SPOCK1: variants seen among roughly 807,000 people sequenced by gnomAD.
SPOCK1 encodes the protein SPARC (osteonectin), cwcv and kazal like domains proteoglycan 1.
SPOCK1 carries 23 observed loss-of-function variants against 55.3 expected under a neutral mutation model. The observed-to-expected ratio is 0.42, with a 90% CI of 0.30 to 0.59. The LOEUF (loss-of-function observed/expected upper bound fraction) is 0.59. SPOCK1 is among the 20% of genes least tolerant of loss of function. The pLI is 0.22. For synonymous variants in SPOCK1, 226 were observed against 221.0 expected, an observed-to-expected ratio of 1.02 and a Z score of -0.20; for missense variants, 499 against 552.5, an observed-to-expected ratio of 0.90 and a Z score of 0.97.
At chr5:137,407,956 C>A (rs1752135021) in intron 2 of SPOCK1, among the ~76,000 whole-genome samples, 1 of 152,210 alleles carries the variant, frequency 6.6e-6, no homozygotes, top group East Asian at 1.9e-4. Context: ...CCCCCACCCC[C>A]ACTGCTCACT....
chr5:137,456,521 C>T (rs759214328), intron 2 of SPOCK1, among the ~76,000 whole-genome samples: 3 of 152,128 alleles, frequency 2.0e-5, no homozygotes, highest in Non-Finnish European at 2.9e-5. Context: ...TTATATCCAA[C>T]GACCCAAGGG....
chr5:137,329,293 G>A (rs1758130443), intron 2 of SPOCK1, among the ~76,000 whole-genome samples: 1 of 151,942 alleles, frequency 6.6e-6, no homozygotes, highest in South Asian at 2.1e-4. Flanking sequence ...TTACACCATC[G>A]GTTCTCCTGG....
chr5:137,224,881 AG>A (rs1390200227), intron 3 of SPOCK1, among the ~76,000 whole-genome samples: 1 of 152,126 alleles, frequency 6.6e-6, no homozygotes, highest in African/African-American at 2.4e-5. Flanking sequence ...CTTCAATCAC[AG>A]GGGGCTGGAA....
At chr5:137,397,433 G>A (rs538012598) in intron 2 of SPOCK1, among the ~76,000 whole-genome samples, 1 of 152,224 alleles carries the variant, frequency 6.6e-6, no homozygotes, top group African/African-American at 2.4e-5. Context: ...CTTCCTAACT[G>A]GATCATAAAC....
rs534144041 is a variant in SPOCK1 at position 136,976,262 on chromosome 5, G to A, written c.*2392C>T. The A allele has an allele frequency of 1.3e-5, 2 of 152,224 alleles. No individual in the cohort carries two copies. Among genetic ancestry groups the A allele is most frequent in the Non-Finnish European group, 2.9e-5 (2 of 68,010 alleles). 9.4% of individuals were successfully genotyped at this position (152,224 alleles called of 1,614,324 possible). On this transcript the variant is annotated 3_prime_UTR_variant, in exon 11 of 11. Coordinates refer to ENST00000394945, the MANE Select transcript of SPOCK1 (RefSeq NM_004598.4). ...GATTTGGGGGTTCCAATCTGAGGAG[G>A]GCTTTTTATTTAATGTTTTAATGAA...
At chr5:136,979,212 A>G (rs1315328744) in intron 10 of SPOCK1, 120 bp downstream of exon 10, 14 of 1,415,254 alleles carry the variant, frequency 9.9e-6, no homozygotes, top group Admixed American at 2.0e-5. Flanking sequence ...CTATGCCTCT[A>G]TTATAAACTT....
At chr5:136,985,357 T>A (rs1351414009) in intron 8 of SPOCK1, among the ~76,000 whole-genome samples, 155 bp from the exon 9 acceptor site, 3 of 152,168 alleles carry the variant, frequency 2.0e-5, no homozygotes, top group Non-Finnish European at 4.4e-5. Context: ...ATTCGGGCCA[T>A]TAGTGTTACT....
chr5:137,302,413 C>CA (rs11381943), intron 2 of SPOCK1, among the ~76,000 whole-genome samples: 85,898 of 136,748 alleles, frequency 0.63, 27,765 homozygotes, highest in East Asian at 0.8. Flanking sequence ...ACTAAAAATA[C>CA]AAAAAAAAAA....
chr5:137,030,649 T>G (rs903693542), intron 6 of SPOCK1, among the ~76,000 whole-genome samples: 1 of 152,180 alleles, frequency 6.6e-6, no homozygotes. Flanking sequence ...CATGGGAGTA[T>G]GAGTTGGTAG....
At chr5:137,320,192 T>C (rs552608848) in intron 2 of SPOCK1, among the ~76,000 whole-genome samples, 62 of 152,288 alleles carry the variant, frequency 4.1e-4, no homozygotes, top group African/African-American at 7.7e-4. Flanking sequence ...ATTGAAGAAA[T>C]TGAAACACTT....
intron 2 of SPOCK1, among the ~76,000 whole-genome samples, chr5:137,309,426 G>A (rs569646023): frequency 6.6e-6 from 1 of 152,130 alleles, no homozygotes; most frequent in Non-Finnish European, 1.5e-5. Context: ...CCTGTTTCAG[G>A]AGCCCACTCC....
chr5:137,344,505 C>T (rs1170209442), intron 2 of SPOCK1, among the ~76,000 whole-genome samples: 1 of 152,160 alleles, frequency 6.6e-6, no homozygotes, highest in East Asian at 1.9e-4. Context: ...TGATTTTGCC[C>T]CCTAGGGGAC....
At chr5:137,074,452 G>A (rs533908093) in intron 5 of SPOCK1, among the ~76,000 whole-genome samples, 6 of 152,220 alleles carry the variant, frequency 3.9e-5, no homozygotes, top group Admixed American at 1.3e-4. Context: ...GGGAAAGTAC[G>A]TATGTATATA....
At chr5:137,356,828 T>TAA (rs1750820221) in intron 2 of SPOCK1, among the ~76,000 whole-genome samples, 1 of 14,932 alleles carries the variant, frequency 6.7e-5, no homozygotes, top group African/African-American at 3.0e-4. Flanking sequence ...TATATATATA[T>TAA]ATATATATAT....
intron 2 of SPOCK1, among the ~76,000 whole-genome samples, chr5:137,399,349 T>C (rs943130111): frequency 1.3e-5 from 2 of 150,330 alleles, no homozygotes; most frequent in Admixed American, 6.7e-5. Flanking sequence ...CTGGGCTATA[T>C]TGCCTCTTTA....
chr5:137,390,845 G>C (rs1040090185), intron 2 of SPOCK1, among the ~76,000 whole-genome samples: 1 of 152,162 alleles, frequency 6.6e-6, no homozygotes, highest in African/African-American at 2.4e-5. Context: ...TGGTGGGGGG[G>C]TGTGGCAAAT....
intron 2 of SPOCK1, among the ~76,000 whole-genome samples, chr5:137,493,573 T>C (rs916473658): frequency 1.3e-5 from 2 of 152,216 alleles, no homozygotes; most frequent in African/African-American, 4.8e-5. Context: ...CTTAGGCCTA[T>C]CAACTTTTAA....
intron 5 of SPOCK1, among the ~76,000 whole-genome samples, chr5:137,104,786 G>T (rs537074821): frequency 6.6e-6 from 1 of 152,022 alleles, no homozygotes; most frequent in African/African-American, 2.4e-5. Context: ...CGGGGCTCCC[G>T]CTGATGCTAC....
intron 4 of SPOCK1, among the ~76,000 whole-genome samples, chr5:137,125,896 T>C (rs1258441481): frequency 6.6e-6 from 1 of 152,178 alleles, no homozygotes; most frequent in Non-Finnish European, 1.5e-5. Flanking sequence ...GCTATTCTGG[T>C]GAGCACCCAG....
Sources: allele counts gnomAD v4.1 joint callset (sites outside exome capture counted in the v4.1 genomes callset), GRCh38; gene constraint gnomAD v4.1.1; transcripts MANE v1.5; gene names NCBI Gene and HGNC (gene_info 2026-07-23, HGNC 2026-07-21).